Variants in WLS observed in about 807,000 individuals in gnomAD.
WLS encodes the protein protein wntless homolog.
In WLS, 23 loss-of-function variants were observed where a neutral mutation model predicts 62.8. The observed-to-expected ratio is 0.37, with a 90% CI of 0.26 to 0.52. The LOEUF is 0.52. Among genes scored for constraint, WLS ranks in the 20% least tolerant of loss-of-function variants. The pLI is 0.92. For synonymous variants in WLS, 246 were observed against 244.1 expected (o/e 1.01, Z -0.07); for missense variants, 615 against 697.3 (o/e 0.88, Z 1.33).
Position 68,193,380 on chromosome 1 carries a change from T to C in WLS, c.379+575A>G, listed in dbSNP as rs192692876. Among the ~76,000 whole-genome samples the C allele has an allele frequency of 2.8e-5, 3 of 106,278 alleles. No homozygotes were observed. In the Admixed American group the frequency reaches 4.1e-4, roughly 15 times the overall value. 69.7% of individuals were successfully genotyped at this position (106,278 alleles called of 152,430 possible). On this transcript the variant is annotated intron_variant, in intron 2 of 11. Transcript: ENST00000262348. ...TTTATATGTCTCATGCCCTCAGAGT[T>C]TTTAACTGCAAATAAGCTAAAAAAA...
chr1:68,182,886 C>A (rs1447471165), intron 2 of WLS, among the ~76,000 whole-genome samples: 1 of 152,124 alleles, frequency 6.6e-6, no homozygotes, highest in Non-Finnish European at 1.5e-5. Context: ...ACAATGAAAA[C>A]TATCTAATTA....
At position 68,146,026 on chromosome 1, in the gene WLS, G is replaced by C. The variant is rs41287860; in HGVS notation, c.1135-14C>G. On this transcript the variant is annotated splice_polypyrimidine_tract_variant and intron_variant, in intron 8 of 11. Transcript: ENST00000262348. Reference sequence around the variant, plus strand: ...GATGAAGGCCATCTGGTCGTGTCCAGTAAAGGAAACAACGGGCTAGCCAAG... The same window carrying C: ...GATGAAGGCCATCTGGTCGTGTCCACTAAAGGAAACAACGGGCTAGCCAAG... The C allele has an allele frequency of 9.3e-6, 15 of 1,613,276 alleles. No homozygotes were observed. The highest frequency in any genetic ancestry group is 1.7e-5 in the Admixed American group (1 of 59,950).
At position 68,159,281 on chromosome 1, in the gene WLS, C is replaced by T. The variant is rs371880186; in HGVS notation, c.380-34G>A. ...GAAAGGATGCACGTTTCAGAAATGA[C>T]TTTTGGAAAGATATTTTAGAAACAG... is the stretch of plus-strand genomic sequence containing the variant. On this transcript the variant is annotated intron_variant, in intron 2 of 11. Transcript: ENST00000262348. The T allele has an allele frequency of 2.2e-4, 345 of 1,597,282 alleles. 3 individuals are homozygous for T. In the South Asian group the frequency reaches 2.7e-3, roughly 13 times the overall value.
At chr1:68,176,101 A>G (rs971055013) in intron 2 of WLS, among the ~76,000 whole-genome samples, 36 of 152,174 alleles carry the variant, frequency 2.4e-4, no homozygotes, top group African/African-American at 8.7e-4. Flanking sequence ...CAAAAATAAT[A>G]TGGCTGGTGG....
chr1:68,098,474 A>C, exon 12 of WLS: 2 of 1,186,146 alleles, frequency 1.7e-6, no homozygotes, highest in Non-Finnish European at 2.3e-6. Context: ...GAAGTAAGAC[A>C]ATACTCAAAG....
At chr1:68,102,884 G>A (rs2100294335) in intron 11 of WLS, among the ~76,000 whole-genome samples, 1 of 152,270 alleles carries the variant, frequency 6.6e-6, no homozygotes. Flanking sequence ...CTGTGTCTTG[G>A]CTTTGTCCAA....
At chr1:68,218,946 C>T (rs1314450444) in intron 1 of WLS, among the ~76,000 whole-genome samples, 1 of 152,182 alleles carries the variant, frequency 6.6e-6, no homozygotes, top group Non-Finnish European at 1.5e-5. Context: ...AGAAGGATAA[C>T]TTTCAAAGAT....
chr1:68,185,837 G>A (rs1031164622), intron 2 of WLS, among the ~76,000 whole-genome samples: 2 of 152,164 alleles, frequency 1.3e-5, no homozygotes, highest in African/African-American at 4.8e-5. Flanking sequence ...GTCCTTTTGA[G>A]TTTTTATGGA....
At position 68,192,653 on chromosome 1, in the gene WLS, G is replaced by A. The variant is rs539496009; in HGVS notation, c.379+1302C>T. Among the ~76,000 whole-genome samples the A allele has an allele frequency of 4.0e-5, 6 of 150,616 alleles. No individual in the cohort carries two copies. The East Asian group carries it at 9.7e-4, about 24-fold the overall frequency. The stretch of plus-strand genomic sequence containing the variant: ...CTAGCTATTCATGAGGCTGAGGTGG[G>A]AGGATAGCTTGAACCCAGGAGTTCG... On this transcript the variant is annotated intron_variant, in intron 2 of 11. Transcript: ENST00000262348.
chr1:68,120,797 G>T (rs1198740010), downstream of WLS, among the ~76,000 whole-genome samples: 1 of 152,146 alleles, frequency 6.6e-6, no homozygotes, highest in African/African-American at 2.4e-5. Flanking sequence ...GCTTTTTCTG[G>T]CCTCAGGTGA....
At chr1:68,143,418 G>T (rs932154248) in intron 10 of WLS, among the ~76,000 whole-genome samples, 1 of 152,160 alleles carries the variant, frequency 6.6e-6, no homozygotes, top group South Asian at 2.1e-4. Context: ...CTTACAATGT[G>T]CCAGGTGCTC....
Position 68,230,588 on chromosome 1 carries a change from C to CGTGTGTGTGTGTGTGTGTGTGT in WLS, c.106+1584_106+1605dup, listed in dbSNP as rs145944948. On this transcript the variant is annotated intron_variant, in intron 1 of 11. Transcript: ENST00000262348. ...GCCAACCCGTGTGTGTGTGTGCGCG[C>CGTGTGTGTGTGTGTGTGTGTGT]GTGTGTGTGTGTGTGTGTGTGTGTG... Among the ~76,000 whole-genome samples, 20 of 149,154 alleles carry CGTGTGTGTGTGTGTGTGTGTGT rather than the reference C, an allele frequency of 1.3e-4. No individual in the cohort carries two copies. In the South Asian group the frequency reaches 3.5e-3, roughly 26 times the overall value.
intron 2 of WLS, among the ~76,000 whole-genome samples, chr1:68,190,331 G>A (rs1206157033): frequency 1.3e-5 from 2 of 152,222 alleles, no homozygotes; most frequent in African/African-American, 4.8e-5. Flanking sequence ...CAGGTAGTCA[G>A]CCTCTAAGAT....
chr1:68,184,856 C>A (rs929922464), intron 2 of WLS, among the ~76,000 whole-genome samples: 1 of 152,154 alleles, frequency 6.6e-6, no homozygotes. Flanking sequence ...CTTAATTGGC[C>A]TCTTTTCCTC....
At chr1:68,212,634 T>C (rs1649560897) in intron 1 of WLS, among the ~76,000 whole-genome samples, 1 of 152,212 alleles carries the variant, frequency 6.6e-6, no homozygotes, top group African/African-American at 2.4e-5. Context: ...TATTTTCATC[T>C]TACACTGCTC....
At chr1:68,151,104 G>C (rs915000461) in intron 5 of WLS, among the ~76,000 whole-genome samples, 3 of 152,230 alleles carry the variant, frequency 2.0e-5, no homozygotes, top group Non-Finnish European at 4.4e-5. Flanking sequence ...GAACATCATA[G>C]AGTTTTAAAG....
intron 2 of WLS, 95 bp from the exon 3 acceptor site, chr1:68,159,342 A>G: frequency 7.0e-7 from 1 of 1,434,726 alleles, no homozygotes; most frequent in Admixed American, 2.2e-5. Flanking sequence ...CTTGGAAACC[A>G]ACGAGACAAA....
At chr1:68,180,156 T>C (rs555343890) in intron 2 of WLS, among the ~76,000 whole-genome samples, 1 of 151,932 alleles carries the variant, frequency 6.6e-6, no homozygotes, top group South Asian at 2.1e-4. Flanking sequence ...GCCATCCTTA[T>C]GATCCTCACC....
At position 68,148,438 on chromosome 1, in the gene WLS, C is replaced by T. The variant is rs905669698; in HGVS notation, c.1070+125G>A. ...CAGACCTTGTCTGAGGATGTGACCA[C>T]GTCCAGTGCTTCCAAACCAAAGGTT... On this transcript the variant is annotated intron_variant, in intron 7 of 11. Coordinates refer to ENST00000262348, the MANE Select transcript of WLS (RefSeq NM_024911.7). 1.2e-4 allele frequency: 126 copies of T among 1,044,234 alleles called. No individual in the cohort carries two copies. The East Asian group carries it at 2.2e-3, about 19-fold the overall frequency. 64.7% of individuals were successfully genotyped at this position (1,044,234 alleles called of 1,614,324 possible). A position where few individuals can be genotyped will look rare whatever the true frequency, so the allele number is the denominator to read the frequency against.
Sources: gnomAD v4.1 joint callset for allele counts (sites outside exome capture counted in the v4.1 genomes callset) on GRCh38, gnomAD v4.1.1 for gene constraint, MANE v1.5 for transcripts, NCBI Gene and HGNC (gene_info 2026-07-23, HGNC 2026-07-21) for gene names.